Variants in STK39 observed in about 807,000 individuals in gnomAD.
STK39 encodes serine/threonine kinase 39.
Under a neutral mutation model 77.8 loss-of-function variants are expected in STK39, and 20 were observed. The ratio of observed to expected loss-of-function variants is 0.26; its 90% CI spans 0.18 to 0.37. The LOEUF is 0.37. STK39 is among the 10% of genes least tolerant of loss of function. STK39 has a pLI of 1.00. For missense variants in STK39, 479 were observed against 656.5 expected, an observed-to-expected ratio of 0.73 and a Z score of 2.95; for synonymous variants, 246 against 234.1, an observed-to-expected ratio of 1.05 and a Z score of -0.47.
At chr2:168,154,692 T>G (rs1055224883) in intron 5 of STK39, among the ~76,000 whole-genome samples, 1 of 131,454 alleles carries the variant, frequency 7.6e-6, no homozygotes, top group Non-Finnish European at 1.5e-5. Context: ...AGTTGACTGT[T>G]TAATGTGTCA....
chr2:168,228,482 G>T (rs192577760), intron 1 of STK39, among the ~76,000 whole-genome samples: 248 of 152,134 alleles, frequency 1.6e-3, no homozygotes, highest in African/African-American at 5.9e-3. Context: ...ATTATTGTTT[G>T]TATAATATTT....
At chr2:168,003,816 A>G (rs1296075528) in intron 16 of STK39, among the ~76,000 whole-genome samples, 1 of 152,246 alleles carries the variant, frequency 6.6e-6, no homozygotes, top group African/African-American at 2.4e-5. Flanking sequence ...TTTCAAAATC[A>G]TAGTACAGTT....
At chr2:168,101,691 T>C (rs58675964) in intron 10 of STK39, among the ~76,000 whole-genome samples, 48,726 of 151,888 alleles carry the variant, frequency 0.32, 8,000 homozygotes, top group Non-Finnish European at 0.33. Context: ...GGGGCCGAGA[T>C]CATGCCACTG....
chr2:167,984,223 G>T (rs563945879), intron 16 of STK39, among the ~76,000 whole-genome samples: 1 of 152,192 alleles, frequency 6.6e-6, no homozygotes, highest in African/African-American at 2.4e-5. Flanking sequence ...ATCTTGCCTT[G>T]CATCTCATAC....
chr2:168,200,231 T>A (rs534214427), intron 1 of STK39, among the ~76,000 whole-genome samples: 4 of 152,202 alleles, frequency 2.6e-5, no homozygotes, highest in Non-Finnish European at 5.9e-5. Context: ...GACAAAAACA[T>A]CCATGGAAAT....
intron 10 of STK39, among the ~76,000 whole-genome samples, chr2:168,100,054 A>C (rs1686779628): frequency 6.6e-6 from 1 of 152,238 alleles, no homozygotes; most frequent in Non-Finnish European, 1.5e-5. Context: ...GGTAATTCTT[A>C]GCTGGGCTAA....
intron 10 of STK39, among the ~76,000 whole-genome samples, chr2:168,087,319 C>T (rs1406587568): frequency 2.0e-5 from 3 of 152,214 alleles, no homozygotes; most frequent in Admixed American, 1.3e-4. Context: ...AACAGAGAAA[C>T]ACACTGCGAT....
chr2:167,971,532 G>T (rs1166929362), intron 16 of STK39, among the ~76,000 whole-genome samples: 1 of 152,190 alleles, frequency 6.6e-6, no homozygotes, highest in Non-Finnish European at 1.5e-5. Flanking sequence ...AGGTAAAAAT[G>T]AGATCCTTAA....
At chr2:168,226,494 T>C (rs1690308987) in intron 1 of STK39, among the ~76,000 whole-genome samples, 2 of 152,204 alleles carry the variant, frequency 1.3e-5, no homozygotes, top group Admixed American at 1.3e-4. Flanking sequence ...AAAAAATCTT[T>C]CCATAAATTT....
rs1210702720 is a variant in STK39, at chr2:168,202,364, T to TA, written c.209-20275dup. 1.1e-4 allele frequency among the ~76,000 whole-genome samples: 16 copies of TA among 152,206 alleles called. 1 individual carries two copies. The highest frequency in any genetic ancestry group is 2.9e-5 in the Non-Finnish European group (2 of 68,034). ...TACAGTAAAACACAAAGTCCCTTCTTACACGTGCTACTTATTGTTAGTACA... is the reference window on the plus strand; with the variant it reads ...TACAGTAAAACACAAAGTCCCTTCTTAACACGTGCTACTTATTGTTAGTACA... On this transcript the variant is annotated intron_variant, in intron 1 of 17. Transcript: ENST00000355999.
At chr2:168,132,650 A>G (rs1574490744) in intron 8 of STK39, among the ~76,000 whole-genome samples, 1 of 152,254 alleles carries the variant, frequency 6.6e-6, no homozygotes, top group Non-Finnish European at 1.5e-5. Flanking sequence ...GCCAATTTAA[A>G]TGTCATCTTC....
At chr2:168,214,229 A>C (rs745356361) in intron 1 of STK39, among the ~76,000 whole-genome samples, 5 of 141,862 alleles carry the variant, frequency 3.5e-5, no homozygotes, top group Non-Finnish European at 6.1e-5. Flanking sequence ...CAAATGTGAA[A>C]GATGTCAAAA....
chr2:168,163,545 C>T, intron 4 of STK39, 194 bp downstream of exon 4: 1 of 959,924 alleles, frequency 1.0e-6, no homozygotes. Context: ...AAAGTAATGT[C>T]AATACCTGCC....
chr2:168,170,051 A>C (rs1688785787), intron 2 of STK39, among the ~76,000 whole-genome samples: 1 of 152,190 alleles, frequency 6.6e-6, no homozygotes, highest in Non-Finnish European at 1.5e-5. Flanking sequence ...CCTTAGGGAG[A>C]AACATCTGTA....
At chr2:168,235,897 T>G (rs1358783982) in intron 1 of STK39, among the ~76,000 whole-genome samples, 1 of 152,146 alleles carries the variant, frequency 6.6e-6, no homozygotes, top group Admixed American at 6.5e-5. Flanking sequence ...CTACTGTGAA[T>G]AGTGCCACAA....
intron 8 of STK39, among the ~76,000 whole-genome samples, chr2:168,135,975 C>T (rs1260803630): frequency 2.3e-5 from 3 of 127,950 alleles, no homozygotes; most frequent in Admixed American, 1.8e-4. Context: ...TTATATGACG[C>T]TCTTCTAAAG....
At chr2:168,081,881 T>C (rs937796103) in intron 10 of STK39, among the ~76,000 whole-genome samples, 3 of 152,132 alleles carry the variant, frequency 2.0e-5, no homozygotes, top group African/African-American at 7.2e-5. Flanking sequence ...CTGACATCCA[T>C]GTAAGATGTG....
chr2:167,994,189 A>G (rs1683772565), intron 16 of STK39, among the ~76,000 whole-genome samples: 1 of 152,238 alleles, frequency 6.6e-6, no homozygotes, highest in Admixed American at 6.5e-5. Flanking sequence ...CATCTCAAAT[A>G]TAATATAAAC....
intron 1 of STK39, among the ~76,000 whole-genome samples, chr2:168,186,302 T>C (rs115708962): frequency 6.6e-6 from 1 of 152,304 alleles, no homozygotes; most frequent in African/African-American, 2.4e-5. Context: ...CTGTGAGAAA[T>C]ACATTTCTGT....
Sources: gnomAD v4.1 joint callset for allele counts (sites outside exome capture counted in the v4.1 genomes callset) on GRCh38, gnomAD v4.1.1 for gene constraint, MANE v1.5 for transcripts, NCBI Gene and HGNC (gene_info 2026-07-23, HGNC 2026-07-21) for gene names.